The following TRAPPC9 variants were observed in gnomAD, a reference collection of about 807,000 sequenced individuals.
The protein encoded by TRAPPC9 is IKK2 binding protein.
A neutral mutation model predicts 124.0 loss-of-function variants in TRAPPC9; 83 were observed. The observed-to-expected ratio is 0.67, with a 90% CI of 0.56 to 0.80. The LOEUF is 0.80. Among genes scored for constraint, TRAPPC9 ranks in the 30% least tolerant of loss-of-function variants. The pLI, the probability that TRAPPC9 is intolerant of heterozygous loss-of-function variation, is 0.00. For missense variants in TRAPPC9, 1,302 were observed against 1,508.3 expected (o/e 0.86, Z 2.27); for synonymous variants, 638 against 617.5 (o/e 1.03, Z -0.49).
intron 9 of TRAPPC9, among the ~76,000 whole-genome samples, chr8:140,313,272 C>A (rs543993837): frequency 1.4e-4 from 21 of 152,134 alleles, no homozygotes; most frequent in African/African-American, 5.1e-4. Context: ...GTTGAGGTAT[C>A]CTATTCAGTT....
In TRAPPC9 at chr8:140,456,293, T is replaced by C. The variant is rs1213851559; in HGVS notation, c.-11+1346A>G. Among the ~76,000 whole-genome samples the C allele has an allele frequency of 3.3e-5, 5 of 151,574 alleles. No individual in the cohort carries two copies. In the South Asian group the frequency reaches 1.0e-3, roughly 31 times the overall value. ...CGGGCATGGTGGCAGGCACCTGTAA[T>C]CCCAGCTACTCAGGAGGCTGAGGCA... On this transcript the variant is annotated intron_variant, in intron 1 of 22. Coordinates refer to ENST00000438773, the MANE Select transcript of TRAPPC9 (RefSeq NM_001160372.4).
chr8:140,351,281 C>A (rs1365992197), intron 9 of TRAPPC9, among the ~76,000 whole-genome samples: 1 of 151,502 alleles, frequency 6.6e-6, no homozygotes, highest in African/African-American at 2.4e-5. Flanking sequence ...ATCCATTCAG[C>A]CCTTCCTAGC....
intron 19 of TRAPPC9, among the ~76,000 whole-genome samples, chr8:139,963,184 A>G (rs1460613542): frequency 6.6e-6 from 1 of 152,182 alleles, no homozygotes; most frequent in South Asian, 2.1e-4. Flanking sequence ...CTTTGGATAC[A>G]ATACATAGAA....
chr8:140,448,982 A>G (rs925189911), intron 2 of TRAPPC9, among the ~76,000 whole-genome samples: 3 of 152,268 alleles, frequency 2.0e-5, no homozygotes, highest in South Asian at 4.1e-4. Flanking sequence ...GCAGGTCTAC[A>G]GCATGCCTTT....
At chr8:139,917,152 CTTCA>C (rs1832189602) in intron 19 of TRAPPC9, among the ~76,000 whole-genome samples, 2 of 116,768 alleles carry the variant, frequency 1.7e-5, no homozygotes, top group African/African-American at 3.6e-5. Context: ...AGAAATCCTT[CTTCA>C]TTATTATTTT....
chr8:140,377,495 C>T (rs775441460), intron 7 of TRAPPC9, among the ~76,000 whole-genome samples: 51 of 152,092 alleles, frequency 3.4e-4, no homozygotes, highest in Admixed American at 3.3e-4. Flanking sequence ...GACAGGGTTT[C>T]GTCATGTTGG....
chr8:139,929,511 G>T (rs1020028442), intron 19 of TRAPPC9, among the ~76,000 whole-genome samples: 13 of 149,292 alleles, frequency 8.7e-5, no homozygotes, highest in African/African-American at 3.2e-4. Context: ...CGAGGTGGGC[G>T]GATCATGAGA....
chr8:140,286,810 T>C (rs917882036), intron 13 of TRAPPC9, among the ~76,000 whole-genome samples: 3 of 151,896 alleles, frequency 2.0e-5, no homozygotes, highest in African/African-American at 7.3e-5. Flanking sequence ...ATCTGCACAT[T>C]GGAGGAACTG....
intron 20 of TRAPPC9, among the ~76,000 whole-genome samples, chr8:139,909,162 C>T (rs1015702316): frequency 9.9e-5 from 15 of 152,278 alleles, no homozygotes; most frequent in African/African-American, 3.6e-4. Context: ...AACGGAGCAA[C>T]GTGTGTATCC....
chr8:140,406,415 T>C (rs545186243), intron 5 of TRAPPC9, among the ~76,000 whole-genome samples: 3 of 152,310 alleles, frequency 2.0e-5, no homozygotes, highest in Admixed American at 1.3e-4. Context: ...AGAGTGAGCA[T>C]CTCCCACAAA....
chr8:139,796,280 C>T lies in TRAPPC9; in HGVS notation c.3056-64078G>A, dbSNP rs530942658. Among the ~76,000 whole-genome samples, 570 of 152,294 alleles carry T rather than the reference C, an allele frequency of 3.7e-3. 3 individuals carry two copies. Among genetic ancestry groups the T allele is most frequent in the African/African-American group, 7.6e-3 (317 of 41,560 alleles). On this transcript the variant is annotated intron_variant, in intron 21 of 22. Coordinates refer to ENST00000438773, the MANE Select transcript of TRAPPC9 (RefSeq NM_001160372.4). ...CCATTTAAGCAGAGCCCTGCTCTGC[C>T]CTATCTGAGGGCCTAGGCAGGTCAC... is the stretch of plus-strand genomic sequence containing the variant.
chr8:139,869,529 G>C (rs988915195), intron 21 of TRAPPC9, among the ~76,000 whole-genome samples: 3 of 152,146 alleles, frequency 2.0e-5, no homozygotes, highest in Admixed American at 2.0e-4. Context: ...CAAACCCCAT[G>C]GTAGATCAAA....
chr8:139,982,804 T>C (rs1001818694), intron 19 of TRAPPC9, among the ~76,000 whole-genome samples: 2 of 152,166 alleles, frequency 1.3e-5, no homozygotes, highest in Non-Finnish European at 2.9e-5. Flanking sequence ...CTAAGAAATA[T>C]GATAAGAGTG....
chr8:140,130,011 G>A (rs918268958), intron 17 of TRAPPC9, among the ~76,000 whole-genome samples: 1 of 152,186 alleles, frequency 6.6e-6, no homozygotes, highest in African/African-American at 2.4e-5. Context: ...GCTGGAGCAG[G>A]GAAAGGACAA....
Position 140,039,759 on chromosome 8 carries a change from T to C in TRAPPC9, c.2557-15680A>G, listed in dbSNP as rs1301997511. 4 of 152,366 alleles carry C rather than the reference T, an allele frequency of 2.6e-5. No individual in the cohort carries two copies. In the East Asian group the frequency reaches 7.7e-4, roughly 29 times the overall value. 9.4% of individuals were successfully genotyped at this position (152,366 alleles called of 1,614,324 possible). A position where few individuals can be genotyped will look rare whatever the true frequency, so the allele number is the denominator to read the frequency against. ...TAGCGATATCCCTAAGAACTGATGG[T>C]GCCGGTCAGAGTATGTGGCTTGGGC... On this transcript the variant is annotated intron_variant, in intron 17 of 22. Transcript: ENST00000438773.
rs150183074 is a variant in TRAPPC9 at position 139,788,723 on chromosome 8, G to A, written c.3056-56521C>T. Among the ~76,000 whole-genome samples the A allele has an allele frequency of 2.0e-5, 3 of 152,252 alleles. No homozygotes were observed. Among genetic ancestry groups the A allele is most frequent in the Non-Finnish European group, 2.9e-5 (2 of 68,024 alleles). ...TACCATCACGCCTGCCTTCGTGGGCGCAGGCTGAGCACAAGGTCCACAGCC... is the reference window on the plus strand; with the variant it reads ...TACCATCACGCCTGCCTTCGTGGGCACAGGCTGAGCACAAGGTCCACAGCC... On this transcript the variant is annotated intron_variant, in intron 21 of 22. Coordinates refer to ENST00000438773, the MANE Select transcript of TRAPPC9 (RefSeq NM_001160372.4). This position sits in a 1 kb window ranked among gnomAD's most constrained non-coding sequence, Gnocchi z 4.9.
chr8:140,100,828 G>T (rs962229968), intron 17 of TRAPPC9, among the ~76,000 whole-genome samples: 2 of 152,190 alleles, frequency 1.3e-5, no homozygotes, highest in Non-Finnish European at 2.9e-5. Flanking sequence ...GTATTAACAT[G>T]GGGCCTCTTC....
At chr8:140,131,510 T>C (rs1466164822) in intron 17 of TRAPPC9, among the ~76,000 whole-genome samples, 1 of 152,174 alleles carries the variant, frequency 6.6e-6, no homozygotes, top group Non-Finnish European at 1.5e-5. Context: ...ATCCAGAGAA[T>C]GCCAGGCTCA....
At position 139,825,957 on chromosome 8, in the gene TRAPPC9, T is replaced by C. The variant is rs1337415311; in HGVS notation, c.3055+59922A>G. Among the ~76,000 whole-genome samples, 1 of 151,972 alleles carries C rather than the reference T, an allele frequency of 6.6e-6. No homozygotes were observed. The highest frequency in any genetic ancestry group is 1.9e-4 in the East Asian group (1 of 5,152). On this transcript the variant is annotated intron_variant, in intron 21 of 22. Coordinates refer to ENST00000438773, the MANE Select transcript of TRAPPC9 (RefSeq NM_001160372.4). This position sits in a 1 kb window ranked among gnomAD's most constrained non-coding sequence, Gnocchi z 4.6. ...TATAACCCGCCCGTGGAACAGGCCA[T>C]GATGAGGATGTGCAACAGCAGGGGA...
Sources: allele counts gnomAD v4.1 joint callset (sites outside exome capture counted in the v4.1 genomes callset), GRCh38; gene constraint gnomAD v4.1.1; non-coding constraint Gnocchi (gnomAD v3.1); transcripts MANE v1.5; gene names NCBI Gene and HGNC (gene_info 2026-07-23, HGNC 2026-07-21).